IMMP2L: variants seen among roughly 807,000 people sequenced by gnomAD.
The protein encoded by IMMP2L is mitochondrial inner membrane protease subunit 2.
IMMP2L carries 18 observed loss-of-function variants against 19.3 expected under a neutral mutation model. The ratio of observed to expected loss-of-function variants is 0.93; its 90% CI spans 0.64 to 1.38. The LOEUF (loss-of-function observed/expected upper bound fraction) is 1.38. Among genes scored for constraint, IMMP2L ranks in the 40% most tolerant of loss-of-function variants. The pLI is 0.00. For missense variants in IMMP2L, 233 were observed against 218.2 expected (o/e 1.07, Z -0.43); for synonymous variants, 76 against 73.0 (o/e 1.04, Z -0.21).
At chr7:111,094,039 T>A (rs949320713) in intron 3 of IMMP2L, among the ~76,000 whole-genome samples, 1 of 152,138 alleles carries the variant, frequency 6.6e-6, no homozygotes, top group Non-Finnish European at 1.5e-5. Flanking sequence ...GTGATCAACT[T>A]ATGATGCACT....
Position 111,395,542 on chromosome 7 carries a change from C to A in IMMP2L, c.239+91696G>T, listed in dbSNP as rs569142159. On this transcript the variant is annotated intron_variant, in intron 3 of 5. Transcript: ENST00000405709. ...AAATCATAGTACAGGTACAAAATTTCTAAAAGTGAGAAAATGAAGCAAACA... is the reference window on the plus strand; with the variant it reads ...AAATCATAGTACAGGTACAAAATTTATAAAAGTGAGAAAATGAAGCAAACA... Among the ~76,000 whole-genome samples, 17 of 152,244 alleles carry A rather than the reference C, an allele frequency of 1.1e-4. No homozygotes were observed. The Middle Eastern group carries it at 0.017, about 152-fold the overall frequency.
At chr7:110,932,868 C>A (rs1815666140) in intron 4 of IMMP2L, among the ~76,000 whole-genome samples, 1 of 152,102 alleles carries the variant, frequency 6.6e-6, no homozygotes, top group African/African-American at 2.4e-5. Context: ...TGTTGCCTTT[C>A]TGGAGAATGC....
At chr7:111,204,649 T>G (rs1050036255) in intron 3 of IMMP2L, among the ~76,000 whole-genome samples, 1 of 152,182 alleles carries the variant, frequency 6.6e-6, no homozygotes, top group Non-Finnish European at 1.5e-5. Context: ...CCTATATACT[T>G]GAGGTACTTT....
chr7:111,326,735 T>C (rs944214359), intron 3 of IMMP2L, among the ~76,000 whole-genome samples: 1 of 151,860 alleles, frequency 6.6e-6, no homozygotes, highest in African/African-American at 2.4e-5. Flanking sequence ...GGAACCCTTA[T>C]GCACTGTTGG....
intron 5 of IMMP2L, among the ~76,000 whole-genome samples, chr7:110,734,123 T>G (rs117749309): frequency 0.021 from 3,270 of 152,214 alleles, 76 homozygotes; most frequent in Admixed American, 0.066. Context: ...TGGAAGAATT[T>G]TAAAGTGCAT....
chr7:111,561,329 T>C (rs1792019441), intron 1 of IMMP2L, among the ~76,000 whole-genome samples: 1 of 152,206 alleles, frequency 6.6e-6, no homozygotes. Context: ...CATCTTCTTC[T>C]GTAAGCTTGA....
chr7:111,063,166 G>T (rs1380340509), intron 3 of IMMP2L, among the ~76,000 whole-genome samples: 1 of 152,182 alleles, frequency 6.6e-6, no homozygotes, highest in Non-Finnish European at 1.5e-5. Flanking sequence ...TGAAATCTAA[G>T]CAGAGGTTGC....
At position 110,888,230 on chromosome 7, in the gene IMMP2L, T is replaced by G. The variant is rs182698102; in HGVS notation, c.306-1535A>C. Among the ~76,000 whole-genome samples, 1,356 of 152,316 alleles carry G rather than the reference T, an allele frequency of 8.9e-3. 14 individuals carry two copies. Among genetic ancestry groups the G allele is most frequent in the Non-Finnish European group, 0.015 (989 of 68,020 alleles). On this transcript the variant is annotated intron_variant, in intron 4 of 5. Transcript: ENST00000405709. ...TTGAACACATCTTACCATCATATAC[T>G]CTGTAATATAAGTGTTCTTCAATTA... is the stretch of plus-strand genomic sequence containing the variant.
At chr7:111,188,526 C>T (rs185602878) in intron 3 of IMMP2L, among the ~76,000 whole-genome samples, 1 of 152,048 alleles carries the variant, frequency 6.6e-6, no homozygotes, top group East Asian at 1.9e-4. Context: ...AAGGCTCCAC[C>T]TCCTAATACC....
intron 3 of IMMP2L, among the ~76,000 whole-genome samples, chr7:111,235,495 G>A (rs150960115): frequency 6.6e-6 from 1 of 151,448 alleles, no homozygotes; most frequent in African/African-American, 2.4e-5. Flanking sequence ...ATTCCACATT[G>A]ATAATTTCTC....
At chr7:111,038,793 G>A (rs1023506270) in intron 3 of IMMP2L, among the ~76,000 whole-genome samples, 1 of 152,106 alleles carries the variant, frequency 6.6e-6, no homozygotes, top group African/African-American at 2.4e-5. Flanking sequence ...AATTAAAGGG[G>A]ATAATCTTTA....
At chr7:110,686,028 T>TA (rs1477358254) in intron 5 of IMMP2L, among the ~76,000 whole-genome samples, 4 of 152,134 alleles carry the variant, frequency 2.6e-5, no homozygotes, top group African/African-American at 9.7e-5. Context: ...AACACTGCAT[T>TA]ATAAATGTTG....
chr7:110,944,231 C>T (rs560455844), intron 4 of IMMP2L, among the ~76,000 whole-genome samples: 3 of 151,840 alleles, frequency 2.0e-5, no homozygotes, highest in Non-Finnish European at 2.9e-5. Flanking sequence ...ATGTACTACT[C>T]GTTCTAATAT....
intron 4 of IMMP2L, among the ~76,000 whole-genome samples, chr7:110,922,378 T>C (rs1289508423): frequency 6.6e-6 from 1 of 152,160 alleles, no homozygotes; most frequent in Non-Finnish European, 1.5e-5. Context: ...GTCCAAAGGA[T>C]CCTGATAGAT....
rs182268879 is a variant in IMMP2L at position 111,034,048 on chromosome 7, G to A, written c.240-70483C>T. 2.4e-3 allele frequency among the ~76,000 whole-genome samples: 367 copies of A among 152,192 alleles called. 3 individuals carry two copies. The highest frequency in any genetic ancestry group is 8.4e-3 in the African/African-American group (351 of 41,540). On this transcript the variant is annotated intron_variant, in intron 3 of 5. Coordinates refer to ENST00000405709, the MANE Select transcript of IMMP2L (RefSeq NM_032549.4). ...GAAGAGAAGGAGTATGGGAAGTGAC[G>A]TGAATGCTTTTTATGTTGAATTTTT...
intron 3 of IMMP2L, among the ~76,000 whole-genome samples, chr7:111,020,891 C>T (rs1027662526): frequency 9.9e-5 from 15 of 152,120 alleles, no homozygotes; most frequent in African/African-American, 3.6e-4. Context: ...ATTTCAGTGA[C>T]TCATATATTC....
At chr7:111,411,485 A>C in intron 3 of IMMP2L, 1 of 470,854 alleles carries the variant, frequency 2.1e-6, no homozygotes, top group Non-Finnish European at 4.2e-6. Context: ...CAAGCACGGC[A>C]TGGGCTGTAT....
At chr7:111,033,724 T>A (rs1237567532) in intron 3 of IMMP2L, among the ~76,000 whole-genome samples, 4 of 152,212 alleles carry the variant, frequency 2.6e-5, no homozygotes, top group Non-Finnish European at 5.9e-5. Flanking sequence ...GGAAGCTACA[T>A]ACTATGTAAT....
At chr7:110,928,048 T>A (rs1456594454) in intron 4 of IMMP2L, among the ~76,000 whole-genome samples, 1 of 151,848 alleles carries the variant, frequency 6.6e-6, no homozygotes. Context: ...CAGAAATAAA[T>A]AAATAAGATT....
Sources: gnomAD v4.1 joint callset for allele counts (sites outside exome capture counted in the v4.1 genomes callset) on GRCh38, gnomAD v4.1.1 for gene constraint, MANE v1.5 for transcripts, NCBI Gene and HGNC (gene_info 2026-07-23, HGNC 2026-07-21) for gene names.